The following MTERF4 variants were observed in gnomAD, a reference collection of about 807,000 sequenced individuals.
MTERF4 encodes mitochondrial transcription termination factor 4, also known as transcription termination factor 4, mitochondrial.
Under a neutral mutation model 22.5 loss-of-function variants are expected in MTERF4, and 17 were observed. That is an observed-to-expected ratio of 0.75 (90% CI 0.52 to 1.13). The LOEUF (loss-of-function observed/expected upper bound fraction) is 1.13, where lower values mean the gene tolerates loss of function less well. MTERF4 is among the 50% of genes most tolerant of loss of function. The pLI is 0.00. For synonymous variants in MTERF4, 165 were observed against 175.3 expected (o/e 0.94, Z 0.47); for missense variants, 420 against 466.8 (o/e 0.90, Z 0.92).
the MTERF4 span, chr2:241,048,383 G>A: frequency 6.2e-7 from 1 of 1,611,920 alleles, no homozygotes. Flanking sequence ...TGTGGATGCG[G>A]ACCAGGGCTA....
chr2:241,064,620 C>T, the MTERF4 span, among the ~76,000 whole-genome samples: 1 of 152,214 alleles, frequency 6.6e-6, no homozygotes, highest in African/African-American at 2.4e-5. This position sits in a 1 kb window ranked among gnomAD's most constrained non-coding sequence, Gnocchi z 7.0. Context: ...TCCCCTCAGC[C>T]AGTCCGGCTG....
the MTERF4 span, chr2:241,049,995 G>A: frequency 2.8e-5 from 34 of 1,209,588 alleles, no homozygotes; most frequent in Non-Finnish European, 3.8e-5. Context: ...GCGGTCCGCC[G>A]TCCTGCTTCT....
At chr2:241,082,392 C>A (rs1187802772), downstream of MTERF4, 1 of 1,569,934 alleles carries the variant, frequency 6.4e-7, no homozygotes, top group Non-Finnish European at 8.8e-7. Context: ...CTCCGCCTTA[C>A]CGCATTTGTC....
chr2:241,067,617 G>A (rs2062514344), downstream of MTERF4: 9 of 599,288 alleles, frequency 1.5e-5, no homozygotes, highest in East Asian at 2.8e-5. Flanking sequence ...CACTCAGCCC[G>A]AGTTCCCTGA....
At position 241,073,362 on chromosome 2, in the gene MTERF4, G is replaced by C; in HGVS notation, n.2800C>G. The C allele has an allele frequency of 6.4e-7, 1 of 1,566,400 alleles. No individual in the cohort carries two copies. Among genetic ancestry groups the C allele is most frequent in the Non-Finnish European group, 8.6e-7 (1 of 1,156,500 alleles). On this transcript the variant is annotated non_coding_transcript_exon_variant, in exon 5 of 5. Transcript: ENST00000464344. The surrounding 1 kb of genome is among the most constrained non-coding windows in gnomAD (Gnocchi z 6.6). The stretch of plus-strand genomic sequence containing the variant: ...CCTGAACACGGCAGCAAGGACATCG[G>C]AAGTGAGTCAGCAGCGCTGGTGGGG...
chr2:241,052,528 T>A, the MTERF4 span: 1 of 1,176,096 alleles, frequency 8.5e-7, no homozygotes, highest in Non-Finnish European at 1.2e-6. Flanking sequence ...GCAGGTGAGA[T>A]GGCCAGGGCC....
At chr2:241,049,059 C>T in the MTERF4 span, 1 of 1,613,502 alleles carries the variant, frequency 6.2e-7, no homozygotes, top group Non-Finnish European at 8.5e-7. Context: ...ACACACAGTG[C>T]CCAGATGGGG....
At chr2:241,074,213 A>T (rs35143206) in exon 5 of MTERF4, 1 of 151,928 alleles carries the variant, frequency 6.6e-6, no homozygotes, top group Non-Finnish European at 1.5e-5. Context: ...TCTCAAGGAC[A>T]TGTGTACACA....
chr2:241,088,112 C>CCT (rs1040524248), downstream of MTERF4: 12 of 498,610 alleles, frequency 2.4e-5, no homozygotes, highest in East Asian at 1.1e-4. Flanking sequence ...CCACGTCCAT[C>CCT]CTCTCTCTCT....
chr2:241,075,904 G>T lies in MTERF4; in HGVS notation n.480-222C>A, dbSNP rs1163238835. 6.6e-6 allele frequency among the ~76,000 whole-genome samples: 1 copy of T among 151,848 alleles called. No individual in the cohort carries two copies. The highest frequency in any genetic ancestry group is 1.5e-5 in the Non-Finnish European group (1 of 67,966). The stretch of plus-strand genomic sequence containing the variant: ...TACAATTTCATTTTTTATGCATATG[G>T]GTAAACTGGATTTTTCATCTCTTCA... On this transcript the variant is annotated intron_variant and non_coding_transcript_variant, in intron 4 of 4. Transcript: ENST00000464344. The surrounding 1 kb of genome is among the most constrained non-coding windows in gnomAD (Gnocchi z 4.8).
chr2:241,085,459 A>G (rs2063528216), downstream of MTERF4, among the ~76,000 whole-genome samples: 1 of 152,166 alleles, frequency 6.6e-6, no homozygotes, highest in Admixed American at 6.5e-5. Context: ...TCCAATTTCT[A>G]TCTTCATTAT....
In MTERF4 at chr2:241,075,631, G is replaced by A. The variant is rs752365606; in HGVS notation, n.531C>T. On this transcript the variant is annotated non_coding_transcript_exon_variant, in exon 5 of 5. Transcript: ENST00000464344. The surrounding 1 kb of genome is among the most constrained non-coding windows in gnomAD (Gnocchi z 4.8). ...TCCTTTGTCAGGTCTGTGTTCTGCA[G>A]GTATCTTCCTCCAGCCTCTGGCTTG... is the stretch of plus-strand genomic sequence containing the variant. 6.6e-6 allele frequency: 1 copy of A among 151,780 alleles called. No individual in the cohort carries two copies. Among genetic ancestry groups the A allele is most frequent in the Non-Finnish European group, 1.5e-5 (1 of 67,938 alleles). The allele number at this position is 151,780 out of a possible 1,614,324, so 9.4% of individuals were successfully genotyped here.
At chr2:241,101,627 C>G (rs1476227131) in intron 1 of MTERF4, among the ~76,000 whole-genome samples, 2 of 152,190 alleles carry the variant, frequency 1.3e-5, no homozygotes, top group Non-Finnish European at 1.5e-5. Flanking sequence ...GCCAGGAACA[C>G]CTGGCAGTCG....
At chr2:241,062,989 C>G in the MTERF4 span, 1 of 857,992 alleles carries the variant, frequency 1.2e-6, no homozygotes, top group Non-Finnish European at 1.8e-6. Flanking sequence ...GGACAGGTCT[C>G]TGTCTGGATG....
At chr2:241,063,927 T>C in the MTERF4 span, 1 of 1,077,126 alleles carries the variant, frequency 9.3e-7, no homozygotes, top group Non-Finnish European at 1.4e-6. Flanking sequence ...CCTAGACTCC[T>C]CCTTTCCCTT....
the MTERF4 span, among the ~76,000 whole-genome samples, chr2:241,066,426 C>T: frequency 3.9e-5 from 6 of 152,152 alleles, no homozygotes; most frequent in Admixed American, 6.5e-5. Context: ...CCACGGAGCC[C>T]GGCCGCATCA....
In MTERF4 at chr2:241,096,739, A is replaced by G; in HGVS notation, c.706-301T>C. Reference sequence around the variant, plus strand: ...CTTTAAATGGGGAAGGAAAAGGATGAATATGGAAAGAATAGGCAAAACATT... The same window carrying G: ...CTTTAAATGGGGAAGGAAAAGGATGGATATGGAAAGAATAGGCAAAACATT... On this transcript the variant is annotated intron_variant, in intron 3 of 3. Transcript: ENST00000391980. The surrounding 1 kb of genome is among the most constrained non-coding windows in gnomAD (Gnocchi z 5.1). 1.7e-6 allele frequency: 1 copy of G among 602,314 alleles called. No individual in the cohort carries two copies. The highest frequency in any genetic ancestry group is 1.7e-5 in the South Asian group (1 of 59,938). 37.3% of individuals were successfully genotyped at this position (602,314 alleles called of 1,614,324 possible). A position where few individuals can be genotyped will look rare whatever the true frequency, so the allele number is the denominator to read the frequency against.
At chr2:241,064,028 C>T in the MTERF4 span, 1 of 1,556,494 alleles carries the variant, frequency 6.4e-7, no homozygotes. The surrounding 1 kb of genome is among the most constrained non-coding windows in gnomAD (Gnocchi z 7.0). Flanking sequence ...ACGCCTGCGA[C>T]TCCAGCCCCT....
chr2:241,102,269 G>A lies in MTERF4; in HGVS notation c.5C>T (p.Ala2Val), dbSNP rs2064749840. 6.5e-7 allele frequency: 1 copy of A among 1,549,632 alleles called. No homozygotes were observed. The stretch of plus-strand genomic sequence containing the variant: ...CGAGCTTACCTGACGGCCGAACGCA[G>A]CCATAGCGCGGAGAAGATGGCAGCA... M[A>V]AFGRQVLDWH... The change falls in exon 1 of 4, where the codon GCT (alanine) becomes GTT (valine). Residue 2 changes from alanine (A) to valine (V), a missense_variant. Transcript: ENST00000391980.
Sources: allele counts gnomAD v4.1 joint callset (sites outside exome capture counted in the v4.1 genomes callset), GRCh38; gene constraint gnomAD v4.1.1; non-coding constraint Gnocchi (gnomAD v3.1); transcripts MANE v1.5; gene names NCBI Gene and HGNC (gene_info 2026-07-23, HGNC 2026-07-21).